TMEM164: variants seen among roughly 807,000 people sequenced by gnomAD.
The protein encoded by TMEM164 is RP13-360B22.2.
TMEM164 carries 4 observed loss-of-function variants against 18.8 expected under a neutral mutation model. That is an observed-to-expected ratio of 0.21 (90% CI 0.10 to 0.49). The LOEUF (loss-of-function observed/expected upper bound fraction) is 0.49. Ranked by LOEUF, TMEM164 falls within the 20% of genes least tolerant of loss-of-function variation. The pLI, the probability that TMEM164 is intolerant of heterozygous loss-of-function variation, is 0.98. For synonymous variants in TMEM164, 86 were observed against 101.7 expected, an observed-to-expected ratio of 0.85 and a Z score of 0.93; for missense variants, 108 against 239.9, an observed-to-expected ratio of 0.45 and a Z score of 3.63.
At chrX:110,126,809 CCTGT>C (rs1774769461) in intron 4 of TMEM164, among the ~76,000 whole-genome samples, 1 of 70,057 alleles carries the variant, frequency 1.4e-5, no homozygotes, top group South Asian at 7.9e-4. Context: ...CTGGGCCACT[CCTGT>C]GTGTGTGTGT....
At chrX:110,013,976 G>A (rs1202711380) in intron 2 of TMEM164, among the ~76,000 whole-genome samples, 1 of 111,332 alleles carries the variant, frequency 9.0e-6, no homozygotes, top group Non-Finnish European at 1.9e-5. Context: ...GTAACCGTGG[G>A]CAAATTACTT....
At chrX:110,124,235 G>A (rs1046068815) in intron 4 of TMEM164, among the ~76,000 whole-genome samples, 1 of 110,700 alleles carries the variant, frequency 9.0e-6, no homozygotes, top group African/African-American at 3.3e-5. Flanking sequence ...AGGCTGGCTG[G>A]ACGGAAAGAG....
At chrX:110,104,477 G>A (rs764560555) in intron 3 of TMEM164, among the ~76,000 whole-genome samples, 30 of 111,952 alleles carry the variant, frequency 2.7e-4, no homozygotes, top group African/African-American at 9.4e-4. Flanking sequence ...CATACAAAGT[G>A]CACTAGTCAT....
At chrX:110,098,806 T>G (rs1342160466) in intron 3 of TMEM164, among the ~76,000 whole-genome samples, 1 of 108,976 alleles carries the variant, frequency 9.2e-6, no homozygotes, top group Non-Finnish European at 1.9e-5. Context: ...TTCTTCTTTT[T>G]TTTTTTTTGA....
At chrX:110,111,330 C>T in intron 4 of TMEM164, among the ~76,000 whole-genome samples, 1 of 112,713 alleles carries the variant, frequency 8.9e-6, no homozygotes, top group Non-Finnish European at 1.9e-5. Context: ...GTCCTTCCTG[C>T]CTCAGGGTTG....
intron 4 of TMEM164, among the ~76,000 whole-genome samples, chrX:110,116,872 G>T (rs2066374978): frequency 9.7e-6 from 1 of 103,400 alleles, no homozygotes; most frequent in African/African-American, 3.7e-5. Context: ...GTGTGTGTGT[G>T]TGTGGTGTGT....
intron 2 of TMEM164, among the ~76,000 whole-genome samples, chrX:110,037,749 G>A (rs917262935): frequency 8.9e-6 from 1 of 111,852 alleles, no homozygotes; most frequent in African/African-American, 3.3e-5. Flanking sequence ...TTTAAGGGCC[G>A]ATAGCAAATT....
intron 3 of TMEM164, among the ~76,000 whole-genome samples, chrX:110,084,400 A>ATATATATATAGTATATATATAGTATAG (rs1569320938): frequency 2.1e-3 from 116 of 56,030 alleles, no homozygotes; most frequent in South Asian, 0.02. Flanking sequence ...ATAGTATAGT[A>ATATATATATAGTATATATATAGTATAG]TATATATATA....
At chrX:110,050,604 G>A (rs1007279664) in intron 2 of TMEM164, among the ~76,000 whole-genome samples, 3 of 111,446 alleles carry the variant, frequency 2.7e-5, no homozygotes, top group African/African-American at 9.8e-5. Flanking sequence ...TCCCTGGTTG[G>A]GAACAAAACC....
intron 3 of TMEM164, among the ~76,000 whole-genome samples, chrX:110,093,558 A>G (rs1365909999): frequency 1.8e-5 from 2 of 111,094 alleles, no homozygotes; most frequent in Non-Finnish European, 3.8e-5. Context: ...TTTATTGTGT[A>G]TATTTGATTC....
intron 3 of TMEM164, among the ~76,000 whole-genome samples, chrX:110,107,784 C>T (rs1340742070): frequency 2.7e-5 from 3 of 109,095 alleles, no homozygotes; most frequent in Non-Finnish European, 3.8e-5. Flanking sequence ...CTCAGCCTCC[C>T]GAGTAGCCGA....
At chrX:110,060,266 G>GAAAAAAAAA (rs140796343) in intron 2 of TMEM164, among the ~76,000 whole-genome samples, 12 of 51,467 alleles carry the variant, frequency 2.3e-4, no homozygotes, top group Non-Finnish European at 3.3e-4. Flanking sequence ...GACCCTGTCT[G>GAAAAAAAAA]AAAAAAAAAA....
In TMEM164 at chrX:110,027,164, A is replaced by G. The variant is rs182718885; in HGVS notation, c.390+23000A>G. ...TGTTTCATCATAAAGTATGATCCTT[A>G]CTATAATTTTTTTGTTGGTATTATT... On this transcript the variant is annotated intron_variant, in intron 2 of 6. Coordinates refer to ENST00000372068, the MANE Select transcript of TMEM164 (RefSeq NM_032227.4). 5.4e-5 allele frequency among the ~76,000 whole-genome samples: 6 copies of G among 111,779 alleles called. No individual in the cohort carries two copies. In the East Asian group the frequency reaches 1.1e-3, roughly 21 times the overall value.
intron 5 of TMEM164, among the ~76,000 whole-genome samples, chrX:110,160,972 T>G (rs928954568): frequency 8.9e-6 from 1 of 112,157 alleles, no homozygotes; most frequent in African/African-American, 3.2e-5. Context: ...AATCCCGAAG[T>G]GCTGGGATTA....
chrX:110,002,423 A>C (rs1271594152), upstream of TMEM164, among the ~76,000 whole-genome samples: 1 of 108,121 alleles, frequency 9.2e-6, no homozygotes, highest in Non-Finnish European at 1.9e-5. Context: ...GAGGAGGAGG[A>C]GGGAGAGCCG....
In TMEM164 at chrX:110,119,399, G is replaced by A. The variant is rs57072749; in HGVS notation, c.507+10253G>A. On this transcript the variant is annotated intron_variant, in intron 4 of 6. Coordinates refer to ENST00000372068, the MANE Select transcript of TMEM164 (RefSeq NM_032227.4). The stretch of plus-strand genomic sequence containing the variant: ...ACTTAAGCACAGGAGTTTGACACAA[G>A]CCTGGGCAACATAGCGAGACCCCAT... Among the ~76,000 whole-genome samples the A allele has an allele frequency of 1.3e-4, 14 of 111,443 alleles. No individual in the cohort carries two copies. In the East Asian group the frequency reaches 3.7e-3, roughly 29 times the overall value.
chrX:110,010,445 G>A (rs1932946198), intron 2 of TMEM164, among the ~76,000 whole-genome samples: 1 of 112,909 alleles, frequency 8.9e-6, no homozygotes, highest in African/African-American at 3.2e-5. Flanking sequence ...GACTCTGGAT[G>A]TGGAAAGCGG....
At chrX:110,114,939 C>G (rs1352848323) in intron 4 of TMEM164, among the ~76,000 whole-genome samples, 1 of 111,771 alleles carries the variant, frequency 8.9e-6, no homozygotes, top group Non-Finnish European at 1.9e-5. Flanking sequence ...CCTTTTTACC[C>G]CCTTTACTAC....
At position 110,122,868 on chromosome X, in the gene TMEM164, A is replaced by G. The variant is rs139716001; in HGVS notation, c.507+13722A>G. On this transcript the variant is annotated intron_variant, in intron 4 of 6. Coordinates refer to ENST00000372068, the MANE Select transcript of TMEM164 (RefSeq NM_032227.4). ...ATTTTCTCCCATTCTGTGGGTTGTC[A>G]TTGCATTTGCTTGATTGTATCCTTT... 1.1e-4 allele frequency among the ~76,000 whole-genome samples: 12 copies of G among 112,335 alleles called. No individual in the cohort carries two copies. In the East Asian group the frequency reaches 2.8e-3, roughly 26 times the overall value.
Sources: allele counts gnomAD v4.1 joint callset (sites outside exome capture counted in the v4.1 genomes callset), GRCh38; gene constraint gnomAD v4.1.1; transcripts MANE v1.5; gene names NCBI Gene and HGNC (gene_info 2026-07-23, HGNC 2026-07-21).